Variants in RIC8B observed in about 807,000 individuals in gnomAD.
The protein encoded by RIC8B is chaperone Ric-8B.
In RIC8B, 16 loss-of-function variants were observed where a neutral mutation model predicts 57.5. The observed-to-expected ratio is 0.28, with a 90% CI of 0.19 to 0.42. The LOEUF is 0.42. RIC8B is among the 10% of genes least tolerant of loss of function. RIC8B has a pLI of 1.00. For missense variants in RIC8B, 481 were observed against 677.0 expected (o/e 0.71, Z 3.21); for synonymous variants, 216 against 250.8 (o/e 0.86, Z 1.31).
chr12:106,786,890 T>C (rs2044054687), intron 2 of RIC8B, among the ~76,000 whole-genome samples: 1 of 152,168 alleles, frequency 6.6e-6, no homozygotes, highest in African/African-American at 2.4e-5. Flanking sequence ...TTTAATTTCA[T>C]TGGAAGATCC....
intron 2 of RIC8B, among the ~76,000 whole-genome samples, chr12:106,801,873 A>C (rs1193805845): frequency 2.0e-5 from 3 of 152,246 alleles, no homozygotes; most frequent in African/African-American, 4.8e-5. Flanking sequence ...TTAGAATTTA[A>C]TACAACCCTC....
chr12:106,797,533 GCTT>G (rs1396166082), intron 2 of RIC8B, among the ~76,000 whole-genome samples: 1 of 152,198 alleles, frequency 6.6e-6, no homozygotes. Flanking sequence ...GATATCTTGA[GCTT>G]CTTCTGGGGA....
At chr12:106,854,077 T>C (rs961638073) in intron 7 of RIC8B, among the ~76,000 whole-genome samples, 1 of 152,022 alleles carries the variant, frequency 6.6e-6, no homozygotes, top group Non-Finnish European at 1.5e-5. Flanking sequence ...GAAGGGACTA[T>C]GGGAGATTAT....
rs771894416 is a variant in RIC8B at position 106,842,860 on chromosome 12, G to C, written c.1065+43G>C. The C allele has an allele frequency of 3.3e-6, 4 of 1,224,556 alleles. No individual in the cohort carries two copies. The South Asian group carries it at 5.1e-5, about 15-fold the overall frequency. 75.9% of individuals were successfully genotyped at this position (1,224,556 alleles called of 1,614,324 possible). A position where few individuals can be genotyped will look rare whatever the true frequency, so the allele number is the denominator to read the frequency against. On this transcript the variant is annotated intron_variant, in intron 5 of 9. Transcript: ENST00000392837. ...GAAGCCCTGGGAAGATGCTTCCAAA[G>C]AATGTAAATGTGCCATACATACAGA...
chr12:106,781,279 T>C (rs960453451), intron 1 of RIC8B, among the ~76,000 whole-genome samples: 3 of 152,144 alleles, frequency 2.0e-5, no homozygotes, highest in African/African-American at 4.8e-5. Context: ...GATTTTTTGC[T>C]CCTGTTTCTC....
chr12:106,850,687 C>A (rs1949431965), intron 6 of RIC8B, among the ~76,000 whole-genome samples: 1 of 152,062 alleles, frequency 6.6e-6, no homozygotes, highest in South Asian at 2.1e-4. Flanking sequence ...GTATATATAT[C>A]ATCTATTACA....
intron 6 of RIC8B, among the ~76,000 whole-genome samples, chr12:106,848,621 A>G (rs1010773678): frequency 1.3e-5 from 2 of 152,198 alleles, no homozygotes; most frequent in East Asian, 3.8e-4. Flanking sequence ...GAGCTGACAT[A>G]ATATGCTGAT....
At chr12:106,829,195 C>T (rs1355387057) in intron 4 of RIC8B, among the ~76,000 whole-genome samples, 1 of 152,112 alleles carries the variant, frequency 6.6e-6, no homozygotes, top group African/African-American at 2.4e-5. Flanking sequence ...TGGTATGATC[C>T]ACCTTTTTTG....
At chr12:106,775,482 A>G (rs2043426572) in intron 1 of RIC8B, 1 of 393,372 alleles carries the variant, frequency 2.5e-6, no homozygotes, top group Non-Finnish European at 5.1e-6. Context: ...TCGCATTAAC[A>G]GCTTTCCTAT....
chr12:106,791,852 A>G (rs1055348751), intron 2 of RIC8B, among the ~76,000 whole-genome samples: 2 of 152,258 alleles, frequency 1.3e-5, no homozygotes, highest in African/African-American at 4.8e-5. Flanking sequence ...AAATAGAATC[A>G]TTAATCCTAG....
intron 3 of RIC8B, among the ~76,000 whole-genome samples, chr12:106,815,670 G>C (rs1190749104): frequency 6.6e-6 from 1 of 152,166 alleles, no homozygotes; most frequent in African/African-American, 2.4e-5. Context: ...ATTTTCAGTG[G>C]CTGCCATCTT....
rs373779500 is a variant in RIC8B at position 106,798,643 on chromosome 12, AG to A, written c.132+14600del. On this transcript the variant is annotated intron_variant, in intron 2 of 9. Coordinates refer to ENST00000392837, the MANE Select transcript of RIC8B (RefSeq NM_001330145.2). ...TTTTTTTTAGATAGCTGTAATTGTT[AG>A]AAGGCTGTTACTTATATGAACTCTA... 1.4e-4 allele frequency among the ~76,000 whole-genome samples: 22 copies of A among 152,118 alleles called. No individual in the cohort carries two copies. In the East Asian group the frequency reaches 2.3e-3, roughly 16 times the overall value.
intron 6 of RIC8B, among the ~76,000 whole-genome samples, chr12:106,848,125 C>T (rs1949290340): frequency 6.6e-6 from 1 of 152,110 alleles, no homozygotes; most frequent in African/African-American, 2.4e-5. Flanking sequence ...CTGTAAGTGA[C>T]ATTTTGGCAA....
chr12:106,868,356 A>T (rs1456708630), intron 8 of RIC8B: 1 of 456,782 alleles, frequency 2.2e-6, no homozygotes, highest in Admixed American at 2.3e-5. Flanking sequence ...AGCATGATCT[A>T]CATAGTTAAT....
intron 4 of RIC8B, among the ~76,000 whole-genome samples, chr12:106,839,870 G>A (rs2046789927): frequency 1.3e-5 from 2 of 152,000 alleles, no homozygotes; most frequent in African/African-American, 4.8e-5. Context: ...TAAAAAATTA[G>A]CAAGGGGCAT....
At chr12:106,821,217 A>G (rs1411746589) in intron 3 of RIC8B, among the ~76,000 whole-genome samples, 1 of 152,242 alleles carries the variant, frequency 6.6e-6, no homozygotes, top group Non-Finnish European at 1.5e-5. Flanking sequence ...ACACAGTAGA[A>G]TAACCAACAG....
intron 2 of RIC8B, among the ~76,000 whole-genome samples, chr12:106,804,298 T>A (rs1236874926): frequency 6.6e-6 from 1 of 151,712 alleles, no homozygotes; most frequent in East Asian, 1.9e-4. Flanking sequence ...CACTGCAGTC[T>A]CCGCCTCCTG....
chr12:106,817,389 CAG>C (rs2045619519), intron 3 of RIC8B, among the ~76,000 whole-genome samples: 1 of 152,108 alleles, frequency 6.6e-6, no homozygotes, highest in Admixed American at 6.5e-5. Context: ...GATCTGAAAA[CAG>C]AACGATTCAG....
chr12:106,796,388 A>C (rs1253241724), intron 2 of RIC8B, among the ~76,000 whole-genome samples: 1 of 152,142 alleles, frequency 6.6e-6, no homozygotes, highest in African/African-American at 2.4e-5. Flanking sequence ...ATCTCTAAAA[A>C]GAAAAAAGAA....
Sources: allele counts gnomAD v4.1 joint callset (sites outside exome capture counted in the v4.1 genomes callset), GRCh38; gene constraint gnomAD v4.1.1; transcripts MANE v1.5; gene names NCBI Gene and HGNC (gene_info 2026-07-23, HGNC 2026-07-21).